The following SQLE variants were observed in gnomAD, a reference collection of about 807,000 sequenced individuals.
The protein encoded by SQLE is squalene monooxygenase.
A neutral mutation model predicts 60.7 loss-of-function variants in SQLE; 29 were observed. The observed-to-expected ratio is 0.48, with a 90% confidence interval of 0.36 to 0.65. The LOEUF is 0.65. Among genes scored for constraint, SQLE ranks in the 30% least tolerant of loss-of-function variants. The pLI, the probability that SQLE is intolerant of heterozygous loss-of-function variation, is 0.00. For missense variants in SQLE, 605 were observed against 684.1 expected, an observed-to-expected ratio of 0.88 and a Z score of 1.29; for synonymous variants, 237 against 246.8, an observed-to-expected ratio of 0.96 and a Z score of 0.37.
chr8:125,018,052 T>C lies in SQLE; in HGVS notation c.1205-7T>C. The C allele has an allele frequency of 6.2e-7, 1 of 1,613,082 alleles. No homozygotes were observed. The highest frequency in any genetic ancestry group is 8.5e-7 in the Non-Finnish European group (1 of 1,179,702). On this transcript the variant is annotated splice_polypyrimidine_tract_variant and splice_region_variant and intron_variant, in intron 7 of 10. Coordinates refer to ENST00000265896, the MANE Select transcript of SQLE (RefSeq NM_003129.4). ...TAAAATAAAATCTTCATTACCTCTC[T>C]TCATAGGTGTTCTTCTTTTGGGAGA...
chr8:125,000,347 T>TG (rs1814824444), intron 1 of SQLE, among the ~76,000 whole-genome samples: 1 of 152,232 alleles, frequency 6.6e-6, no homozygotes, highest in Non-Finnish European at 1.5e-5. Context: ...ATTTAGGGCA[T>TG]GTTGGCAATG....
intron 7 of SQLE, among the ~76,000 whole-genome samples, chr8:125,013,314 C>T (rs1488356396): frequency 1.3e-5 from 2 of 150,916 alleles, no homozygotes; most frequent in African/African-American, 4.9e-5. Flanking sequence ...AAGGCTTTGT[C>T]CAATCTAAGT....
At chr8:125,009,448 T>C (rs938037256) in intron 6 of SQLE, 105 bp downstream of exon 6, 3 of 1,185,356 alleles carry the variant, frequency 2.5e-6, no homozygotes, top group Non-Finnish European at 2.3e-6. Flanking sequence ...ATTCTGGAAC[T>C]GAACTATTTA....
chr8:125,020,471 G>A (rs1279111480), intron 9 of SQLE, among the ~76,000 whole-genome samples: 1 of 152,164 alleles, frequency 6.6e-6, no homozygotes, highest in Non-Finnish European at 1.5e-5. Flanking sequence ...GTGTTAAAAA[G>A]AGCTTCCAAA....
chr8:125,000,982 G>C (rs1199369360), intron 1 of SQLE, among the ~76,000 whole-genome samples: 1 of 152,140 alleles, frequency 6.6e-6, no homozygotes, highest in Non-Finnish European at 1.5e-5. Flanking sequence ...CACCCTTGCT[G>C]GTAGTTAATA....
chr8:125,017,476 T>C (rs998970784), intron 7 of SQLE, among the ~76,000 whole-genome samples: 1 of 151,948 alleles, frequency 6.6e-6, no homozygotes, highest in Non-Finnish European at 1.5e-5. Context: ...AGTCAGCTGG[T>C]GGTGAATGCT....
chr8:125,017,530 C>CA (rs1448063003), intron 7 of SQLE, among the ~76,000 whole-genome samples: 2 of 151,972 alleles, frequency 1.3e-5, no homozygotes, highest in Non-Finnish European at 2.9e-5. Context: ...GCTCCCCTCT[C>CA]ACCCAGGACG....
intron 9 of SQLE, 81 bp from the exon 10 acceptor site, chr8:125,020,703 A>G: frequency 3.6e-6 from 3 of 844,704 alleles, no homozygotes; most frequent in Non-Finnish European, 3.9e-6. Flanking sequence ...AGCGTTTGTT[A>G]TTTCTCATTT....
chr8:125,011,858 C>A (rs1815043779), intron 7 of SQLE, among the ~76,000 whole-genome samples: 1 of 83,928 alleles, frequency 1.2e-5, no homozygotes, highest in South Asian at 3.7e-4. Context: ...CTGACCTTGA[C>A]CTAGAGAAGG....
intron 1 of SQLE, among the ~76,000 whole-genome samples, chr8:125,002,351 A>G (rs1030899268): frequency 6.6e-6 from 1 of 152,220 alleles, no homozygotes; most frequent in Non-Finnish European, 1.5e-5. Context: ...TTTTCAAATG[A>G]AAATCCAGAA....
At chr8:125,019,805 A>C (rs1276806259) in intron 9 of SQLE, among the ~76,000 whole-genome samples, 2 of 152,112 alleles carry the variant, frequency 1.3e-5, no homozygotes, top group African/African-American at 2.4e-5. Context: ...ATTACAAAAG[A>C]TGATACAATA....
intron 7 of SQLE, among the ~76,000 whole-genome samples, chr8:125,017,160 A>G (rs1272680888): frequency 6.6e-6 from 1 of 152,060 alleles, no homozygotes; most frequent in East Asian, 1.9e-4. Context: ...AGAGCTCTAC[A>G]GTCAGCACAA....
rs746695516 is a variant in SQLE at position 124,999,694 on chromosome 8, G to A, written c.291G>A (p.Arg97=). 1 of 1,574,194 alleles carries A rather than the reference G, an allele frequency of 6.4e-7. No homozygotes were observed. The highest frequency in any genetic ancestry group is 2.3e-5 in the East Asian group (1 of 44,332). ...SENKEQLEAR[R]RRKGTNISET... Reference sequence around the variant, plus strand: ...ATAAGGAGCAGCTCGAGGCCAGGAGGGTAGGTTGATTTCAAAGCGGGCAGA... The same window carrying A: ...ATAAGGAGCAGCTCGAGGCCAGGAGAGTAGGTTGATTTCAAAGCGGGCAGA... Residue 97 remains arginine (R), a splice_region_variant and synonymous_variant, in exon 1 of 11, where the codon AGG becomes AGA. Coordinates refer to ENST00000265896, the MANE Select transcript of SQLE (RefSeq NM_003129.4).
Position 125,003,373 on chromosome 8 carries a change from T to C in SQLE, c.489T>C (p.Val163=). 6.2e-7 allele frequency: 1 copy of C among 1,613,988 alleles called. No individual in the cohort carries two copies. The highest frequency in any genetic ancestry group is 1.1e-5 in the South Asian group (1 of 91,080). Residue 163 remains valine (V), a synonymous_variant, in exon 2 of 11, where the codon GTT becomes GTC. Coordinates refer to ENST00000265896, the MANE Select transcript of SQLE (RefSeq NM_003129.4). ...ERDLKEPDRI[V]GEFLQPGGYH... ...ACTTAAAAGAGCCTGACAGAATAGT[T>C]GGAGAATTCCTGCAGCCGGGTGGTT...
In SQLE at chr8:125,007,385, C is replaced by A; in HGVS notation, c.726-6C>A. ...CTTTAGAAATGTATTTTTTTTTATT[C>A]TTTAGTGCAAAGTTTATTGAAGGTG... On this transcript the variant is annotated splice_polypyrimidine_tract_variant and splice_region_variant and intron_variant, in intron 3 of 10. Transcript: ENST00000265896. 6.6e-7 allele frequency: 1 copy of A among 1,517,098 alleles called. No individual in the cohort carries two copies. Among genetic ancestry groups the A allele is most frequent in the Non-Finnish European group, 8.8e-7 (1 of 1,131,056 alleles). The allele number at this position is 1,517,098 out of a possible 1,614,324, so 94.0% of individuals were successfully genotyped here. A position where few individuals can be genotyped will look rare whatever the true frequency, so the allele number is the denominator to read the frequency against.
chr8:125,011,677 A>G, intron 7 of SQLE, 45 bp downstream of exon 7: 1 of 1,439,218 alleles, frequency 6.9e-7, no homozygotes, highest in Non-Finnish European at 9.6e-7. Flanking sequence ...AGTATTCCAA[A>G]TGACAAATAT....
Position 124,999,552 on chromosome 8 carries a change from ACGGGGGTCTCCT to A in SQLE, c.154_165del (p.Gly52_Gly55del), listed in dbSNP as rs1181948490. On this transcript the variant is annotated inframe_deletion, in exon 1 of 11. Coordinates refer to ENST00000265896, the MANE Select transcript of SQLE (RefSeq NM_003129.4). ...CTCTCCTACCGCTGTCGCCACCGAA[ACGGGGGTCTCCT>A]CGGGCGCCAGCAGAGCGGCTCCCAG... is the stretch of plus-strand genomic sequence containing the variant. The A allele has an allele frequency of 6.2e-7, 1 of 1,612,968 alleles. No individual in the cohort carries two copies. Among genetic ancestry groups the A allele is most frequent in the East Asian group, 2.2e-5 (1 of 44,836 alleles).
At chr8:125,003,538 A>G (rs1814898338) in intron 2 of SQLE, 110 bp downstream of exon 2, 1 of 1,343,836 alleles carries the variant, frequency 7.4e-7, no homozygotes, top group South Asian at 1.5e-5. Flanking sequence ...CATTTATAAA[A>G]TTTTCTATAC....
chr8:125,000,653 C>T (rs577910795), intron 1 of SQLE, among the ~76,000 whole-genome samples: 1 of 152,046 alleles, frequency 6.6e-6, no homozygotes, highest in South Asian at 2.1e-4. Flanking sequence ...AGGGTTTCAC[C>T]ATGTTGGCCA....
Sources: allele counts gnomAD v4.1 joint callset (sites outside exome capture counted in the v4.1 genomes callset), GRCh38; gene constraint gnomAD v4.1.1; transcripts MANE v1.5; gene names NCBI Gene and HGNC (gene_info 2026-07-23, HGNC 2026-07-21).